The following CCDC7 variants were observed in gnomAD, a reference collection of about 807,000 sequenced individuals.
CCDC7 encodes the protein coiled-coil domain-containing protein 7.
Under a neutral mutation model 196.9 loss-of-function variants are expected in CCDC7, and 183 were observed. The ratio of observed to expected loss-of-function variants is 0.93; its 90% confidence interval spans 0.82 to 1.05. The LOEUF is 1.05. Ranked by LOEUF, CCDC7 falls within the 50% of genes least tolerant of loss-of-function variation. CCDC7 has a pLI of 0.00. For synonymous variants in CCDC7, 525 were observed against 484.6 expected, an observed-to-expected ratio of 1.08 and a Z score of -1.10; for missense variants, 1,540 against 1,482.2, an observed-to-expected ratio of 1.04 and a Z score of -0.64.
At chr10:32,561,840 C>A (rs1361024049) in intron 13 of CCDC7, among the ~76,000 whole-genome samples, 3 of 151,766 alleles carry the variant, frequency 2.0e-5, no homozygotes, top group African/African-American at 7.3e-5. Flanking sequence ...AAAAACCCTT[C>A]AAAAAATTAG....
intron 2 of CCDC7, 96 bp from the exon 4 acceptor site, chr10:32,456,155 A>C: frequency 8.4e-7 from 1 of 1,196,488 alleles, no homozygotes; most frequent in African/African-American, 1.6e-5. Context: ...AATTACACAA[A>C]ATTAAAATTT....
intron 16 of CCDC7, among the ~76,000 whole-genome samples, chr10:32,572,498 C>G (rs769036552): frequency 1.0e-3 from 153 of 151,898 alleles, no homozygotes; most frequent in Non-Finnish European, 1.4e-3. Context: ...GATTATAGAC[C>G]CAGGTGAATT....
intron 25 of CCDC7, among the ~76,000 whole-genome samples, chr10:32,726,134 T>G (rs1451188661): frequency 6.6e-6 from 1 of 152,076 alleles, no homozygotes; most frequent in African/African-American, 2.4e-5. Context: ...TTCTGATTGG[T>G]TATTTCTGAC....
chr10:32,578,236 T>C (rs1032917962), intron 16 of CCDC7, among the ~76,000 whole-genome samples: 1 of 152,068 alleles, frequency 6.6e-6, no homozygotes, highest in African/African-American at 2.4e-5. Flanking sequence ...TCGTTTGTGG[T>C]TGGGACTGGA....
chr10:32,876,361 G>T (rs752559755), exon 42 of CCDC7: 16 of 1,610,470 alleles, frequency 9.9e-6, no homozygotes, highest in Non-Finnish European at 1.2e-5. Flanking sequence ...ACATGCTGCT[G>T]CCCGAAAATC....
intron 18 of CCDC7, among the ~76,000 whole-genome samples, chr10:32,624,665 A>G (rs549338624): frequency 6.6e-6 from 1 of 152,202 alleles, no homozygotes; most frequent in South Asian, 2.1e-4. Context: ...TACATTCCAT[A>G]AGGCTTTGGA....
At chr10:32,682,664 T>A (rs1415086049) in intron 21 of CCDC7, among the ~76,000 whole-genome samples, 1 of 152,198 alleles carries the variant, frequency 6.6e-6, no homozygotes, top group African/African-American at 2.4e-5. Context: ...ATCTCTTATT[T>A]CTGACTTTTT....
intron 24 of CCDC7, among the ~76,000 whole-genome samples, chr10:32,706,520 T>G (rs186247364): frequency 6.8e-4 from 104 of 152,074 alleles, no homozygotes; most frequent in African/African-American, 2.2e-3. Flanking sequence ...AAACAATCAA[T>G]TAATCCAGGA....
Position 32,518,524 on chromosome 10 carries a change from T to C in CCDC7, c.993+19T>C, listed in dbSNP as rs775746333. 2 of 1,596,932 alleles carry C rather than the reference T, an allele frequency of 1.3e-6. No individual in the cohort carries two copies. The highest frequency in any genetic ancestry group is 1.7e-5 in the Admixed American group (1 of 57,202). ...CAAAGAGGTTGGAAAAATTTTAGTG[T>C]TTGAAAATGGCATACACCTAATAAG... On this transcript the variant is annotated intron_variant, in intron 11 of 41. Coordinates refer to ENST00000639629, the Ensembl canonical transcript of CCDC7.
intron 16 of CCDC7, among the ~76,000 whole-genome samples, chr10:32,576,503 A>G (rs2058207571): frequency 6.6e-6 from 1 of 150,808 alleles, no homozygotes. Context: ...GCTGCCTTAA[A>G]TGGCAAGTAG....
chr10:32,845,086 A>C (rs558687381), intron 33 of CCDC7, among the ~76,000 whole-genome samples, 157 bp from the exon 35 acceptor site: 1 of 151,948 alleles, frequency 6.6e-6, no homozygotes, highest in South Asian at 2.1e-4. Context: ...CCGGAGTTAA[A>C]TTAAGTATGA....
intron 8 of CCDC7, chr10:32,481,930 T>G (rs2040033256): frequency 6.6e-6 from 1 of 152,152 alleles, no homozygotes; most frequent in Non-Finnish European, 1.5e-5. Flanking sequence ...GCTTTCAAGA[T>G]TCTCTTTTTG....
chr10:32,444,664 TG>T (rs2030561608), upstream of CCDC7, among the ~76,000 whole-genome samples: 1 of 152,236 alleles, frequency 6.6e-6, no homozygotes, highest in African/African-American at 2.4e-5. Context: ...ACAACGGTTT[TG>T]GGAGATTTGG....
chr10:32,794,662 C>G (rs1300027376), intron 29 of CCDC7, among the ~76,000 whole-genome samples: 1 of 152,084 alleles, frequency 6.6e-6, no homozygotes, highest in Non-Finnish European at 1.5e-5. Flanking sequence ...TGATTTGTAT[C>G]TCTCTAATAT....
chr10:32,524,219 A>T (rs1240050497), intron 11 of CCDC7, among the ~76,000 whole-genome samples: 1 of 152,168 alleles, frequency 6.6e-6, no homozygotes, highest in African/African-American at 2.4e-5. Flanking sequence ...ACTTTAAACT[A>T]ATGACAACTT....
At chr10:32,615,357 A>G (rs1056897357) in intron 18 of CCDC7, among the ~76,000 whole-genome samples, 1 of 152,104 alleles carries the variant, frequency 6.6e-6, no homozygotes, top group African/African-American at 2.4e-5. Flanking sequence ...TTGACTTTTT[A>G]ATAACAGCCA....
At chr10:32,637,577 C>T (rs966234299) in intron 20 of CCDC7, among the ~76,000 whole-genome samples, 1 of 152,086 alleles carries the variant, frequency 6.6e-6, no homozygotes, top group African/African-American at 2.4e-5. Flanking sequence ...CTATTCTGTT[C>T]CATTGGTCTA....
At chr10:32,875,191 G>A (rs898676707) in intron 41 of CCDC7, among the ~76,000 whole-genome samples, 9 of 151,870 alleles carry the variant, frequency 5.9e-5, no homozygotes, top group East Asian at 1.9e-4. Flanking sequence ...TGGCATCTTC[G>A]TCATGAAATC....
intron 18 of CCDC7, among the ~76,000 whole-genome samples, chr10:32,596,302 C>T (rs1252008352): frequency 1.3e-5 from 2 of 152,134 alleles, no homozygotes; most frequent in Non-Finnish European, 2.9e-5. Flanking sequence ...CCTTCTTTGT[C>T]TCTTTTTATC....
Sources: allele counts gnomAD v4.1 joint callset (sites outside exome capture counted in the v4.1 genomes callset), GRCh38; gene constraint gnomAD v4.1.1; transcripts MANE v1.5; gene names NCBI Gene and HGNC (gene_info 2026-07-23, HGNC 2026-07-21).